Variants in NBPF3 observed in about 807,000 individuals in gnomAD.
NBPF3 encodes NBPF member 3, also known as NBPF family member NBPF3.
NBPF3 carries 57 observed loss-of-function variants against 78.1 expected under a neutral mutation model. The observed-to-expected ratio is 0.73, with a 90% confidence interval of 0.59 to 0.91. NBPF3 has a LOEUF of 0.91. Ranked by LOEUF, NBPF3 falls within the 40% of genes least tolerant of loss-of-function variation. The probability of loss-of-function intolerance (pLI) is 0.00; values close to 1 mark genes in which losing one functional copy is unlikely to be tolerated. For synonymous variants in NBPF3, 182 were observed against 271.7 expected, an observed-to-expected ratio of 0.67 and a Z score of 3.25; for missense variants, 510 against 715.3, an observed-to-expected ratio of 0.71 and a Z score of 3.27.
chr1:21,450,609 A>G (rs943042072), intron 2 of NBPF3, among the ~76,000 whole-genome samples: 2 of 152,202 alleles, frequency 1.3e-5, no homozygotes, highest in Non-Finnish European at 2.9e-5. Flanking sequence ...CATTCCCCCA[A>G]CTGCAAAATG....
intron 2 of NBPF3, among the ~76,000 whole-genome samples, chr1:21,459,548 G>A (rs1456349894): frequency 6.6e-6 from 1 of 152,156 alleles, no homozygotes; most frequent in Non-Finnish European, 1.5e-5. Flanking sequence ...TGTGGTTTTG[G>A]CAGCAATAGG....
rs147336220 is a variant in NBPF3, at chr1:21,452,750, C to T, written c.133+7531C>T. Among the ~76,000 whole-genome samples, 924 of 152,278 alleles carry T rather than the reference C, an allele frequency of 6.1e-3. 7 individuals are homozygous for T. Among genetic ancestry groups the T allele is most frequent in the South Asian group, 9.1e-3 (44 of 4,826 alleles). ...CTCTGGGACCATGTGGTCTCTTGTTCCCTGAGAGCATCTCTTCTATTCTCT... is the reference window on the plus strand; with the variant it reads ...CTCTGGGACCATGTGGTCTCTTGTTTCCTGAGAGCATCTCTTCTATTCTCT... On this transcript the variant is annotated intron_variant, in intron 2 of 14. Coordinates refer to ENST00000318249, the MANE Select transcript of NBPF3 (RefSeq NM_032264.6).
chr1:21,450,062 A>C (rs1037570225), intron 2 of NBPF3, among the ~76,000 whole-genome samples: 6 of 152,200 alleles, frequency 3.9e-5, no homozygotes, highest in African/African-American at 1.4e-4. Flanking sequence ...CATTACCACA[A>C]ACCAGTGGTT....
In NBPF3 at chr1:21,476,214, G is replaced by C. The variant is rs1221925559; in HGVS notation, c.992+1263G>C. 1.3e-5 allele frequency among the ~76,000 whole-genome samples: 2 copies of C among 152,148 alleles called. No individual in the cohort carries two copies. Among genetic ancestry groups the C allele is most frequent in the African/African-American group, 4.8e-5 (2 of 41,430 alleles). On this transcript the variant is annotated intron_variant, in intron 8 of 14. Transcript: ENST00000318249. This position sits in a 1 kb window ranked among gnomAD's most constrained non-coding sequence, Gnocchi z 4.1. ...TGCGTACAGCACACTGATGGGTCTT[G>C]ACTCCTTATCCAATTTGCCAGTCTG...
At chr1:21,467,127 C>T (rs1642316095) in intron 2 of NBPF3, 4 of 984,978 alleles carry the variant, frequency 4.1e-6, no homozygotes, top group African/African-American at 1.7e-5. Context: ...TCCCAGATGC[C>T]AGAAAATACA....
intron 2 of NBPF3, among the ~76,000 whole-genome samples, chr1:21,461,709 C>T (rs1452523823): frequency 1.3e-5 from 2 of 152,090 alleles, no homozygotes; most frequent in Non-Finnish European, 2.9e-5. Flanking sequence ...GTGATCTGCC[C>T]GCCTCAGCCT....
intron 2 of NBPF3, among the ~76,000 whole-genome samples, chr1:21,467,595 T>G (rs1277993564): frequency 6.6e-6 from 1 of 152,134 alleles, no homozygotes; most frequent in Non-Finnish European, 1.5e-5. Flanking sequence ...CAAACCACAT[T>G]CCATAAGAAC....
chr1:21,479,637 T>G (rs539125272), intron 10 of NBPF3, among the ~76,000 whole-genome samples: 1 of 152,184 alleles, frequency 6.6e-6, no homozygotes, highest in African/African-American at 2.4e-5. Flanking sequence ...TGTATTCTCA[T>G]GGTGACTGCA....
Position 21,479,822 on chromosome 1 carries a change from G to C in NBPF3, c.1209-229G>C, listed in dbSNP as rs61775949. ...TCTCTCTCTCTCTCTCTCTCTCTCT[G>C]TGTGTGTGTGTGTGTGTGTGTGTGT... On this transcript the variant is annotated intron_variant, in intron 10 of 14. Coordinates refer to ENST00000318249, the MANE Select transcript of NBPF3 (RefSeq NM_032264.6). Among the ~76,000 whole-genome samples, 21,491 of 80,754 alleles carry C rather than the reference G, an allele frequency of 0.27. 1,721 individuals carry two copies. Among genetic ancestry groups the C allele is most frequent in the Non-Finnish European group, 0.34 (12,283 of 36,256 alleles). 53.0% of individuals were successfully genotyped at this position (80,754 alleles called of 152,430 possible). A position where few individuals can be genotyped will look rare whatever the true frequency, so the allele number is the denominator to read the frequency against.
chr1:21,479,680 T>G (rs1643075172), intron 10 of NBPF3, among the ~76,000 whole-genome samples: 1 of 152,186 alleles, frequency 6.6e-6, no homozygotes, highest in Non-Finnish European at 1.5e-5. Context: ...GCAAAATTGT[T>G]GAGCCCACTC....
chr1:21,462,989 T>C (rs1264879075), intron 2 of NBPF3, among the ~76,000 whole-genome samples: 2 of 152,184 alleles, frequency 1.3e-5, no homozygotes, highest in Non-Finnish European at 2.9e-5. Flanking sequence ...TAAACAACAA[T>C]TGACAAAGAA....
intron 1 of NBPF3, among the ~76,000 whole-genome samples, chr1:21,444,633 C>T (rs1640855514): frequency 6.6e-6 from 1 of 152,116 alleles, no homozygotes; most frequent in African/African-American, 2.4e-5. Flanking sequence ...ACTCAAGGCT[C>T]AAGGAATCCT....
chr1:21,470,767 C>G, intron 4 of NBPF3, 33 bp downstream of exon 4: 1 of 1,457,492 alleles, frequency 6.9e-7, no homozygotes, highest in African/African-American at 1.4e-5. Flanking sequence ...GGCAGGTGGG[C>G]AGGTGTGTAA....
rs1288114825 is a variant in NBPF3 at position 21,476,319 on chromosome 1, T to A, written c.992+1368T>A. Among the ~76,000 whole-genome samples the A allele has an allele frequency of 6.6e-6, 1 of 152,216 alleles. No individual in the cohort carries two copies. On this transcript the variant is annotated intron_variant, in intron 8 of 14. Transcript: ENST00000318249. The surrounding 1 kb of genome is among the most constrained non-coding windows in gnomAD (Gnocchi z 4.1). Reference sequence around the variant, plus strand: ...TGTGAATTTGATCCTGTCATGATGATGTGAGCTGGTTATTTTGCCTGTTAG... The same window carrying A: ...TGTGAATTTGATCCTGTCATGATGAAGTGAGCTGGTTATTTTGCCTGTTAG...
At chr1:21,473,865 C>G (rs1479912667) in intron 7 of NBPF3, among the ~76,000 whole-genome samples, 2 of 152,212 alleles carry the variant, frequency 1.3e-5, no homozygotes, top group African/African-American at 4.8e-5. Context: ...ACCTTTGATT[C>G]AGTATCTCTT....
chr1:21,464,473 T>A (rs375926252), intron 2 of NBPF3, among the ~76,000 whole-genome samples: 2 of 152,070 alleles, frequency 1.3e-5, no homozygotes, highest in African/African-American at 2.4e-5. Flanking sequence ...TTGGAGAGTG[T>A]CTGCCCATAG....
chr1:21,468,204 A>G (rs1289286638), intron 2 of NBPF3: 2 of 193,960 alleles, frequency 1.0e-5, no homozygotes, highest in African/African-American at 4.7e-5. Context: ...TGTTGTACAA[A>G]CAAGCGATAA....
chr1:21,470,495 A>G, intron 3 of NBPF3, 137 bp from the exon 4 acceptor site: 2 of 578,186 alleles, frequency 3.5e-6, no homozygotes, highest in South Asian at 3.6e-5. Context: ...AAGAGTAAAG[A>G]TGTGGAAATC....
At chr1:21,464,697 A>T (rs201623227) in intron 2 of NBPF3, among the ~76,000 whole-genome samples, 4 of 21,176 alleles carry the variant, frequency 1.9e-4, no homozygotes, top group East Asian at 2.4e-3. Flanking sequence ...TTTTCATTAA[A>T]AAAAAAAAAG....
Sources: gnomAD v4.1 joint callset for allele counts (sites outside exome capture counted in the v4.1 genomes callset) on GRCh38, gnomAD v4.1.1 for gene constraint, Gnocchi (gnomAD v3.1) non-coding constraint, MANE v1.5 for transcripts, NCBI Gene and HGNC (gene_info 2026-07-23, HGNC 2026-07-21) for gene names.